The following ABCB11 variants were observed in gnomAD, a reference collection of about 807,000 sequenced individuals.
ABCB11 encodes bile salt export pump.
In ABCB11, 95 loss-of-function variants were observed where a neutral mutation model predicts 148.0. That is an observed-to-expected ratio of 0.64 (90% confidence interval 0.54 to 0.76). The LOEUF (loss-of-function observed/expected upper bound fraction) is 0.76. Among genes scored for constraint, ABCB11 ranks in the 30% least tolerant of loss-of-function variants. The pLI, the probability that ABCB11 is intolerant of heterozygous loss-of-function variation, is 0.00. For synonymous variants in ABCB11, 591 were observed against 555.4 expected (o/e 1.06, Z -0.90); for missense variants, 1,523 against 1,617.8 (o/e 0.94, Z 1.01).
chr2:168,943,044 A>G (rs528729310), intron 21 of ABCB11, among the ~76,000 whole-genome samples: 5 of 152,082 alleles, frequency 3.3e-5, no homozygotes, highest in African/African-American at 1.2e-4. Flanking sequence ...AAAAACAACA[A>G]AAGTATTAGA....
chr2:168,964,124 CAT>C (rs1403181160), intron 18 of ABCB11, 80 bp downstream of exon 18: 5 of 1,025,182 alleles, frequency 4.9e-6, no homozygotes, highest in Non-Finnish European at 7.4e-6. Flanking sequence ...CTAGAAAACT[CAT>C]ATTCTCAGGC....
downstream of ABCB11, among the ~76,000 whole-genome samples, chr2:168,916,501 G>A (rs1009994331): frequency 3.3e-5 from 5 of 152,164 alleles, no homozygotes; most frequent in Admixed American, 6.5e-5. Context: ...CATACAACTC[G>A]CTAATGAGCA....
At chr2:168,927,132 G>A (rs911577484) in intron 26 of ABCB11, 24 bp downstream of exon 26, 14 of 1,590,874 alleles carry the variant, frequency 8.8e-6, no homozygotes, top group Non-Finnish European at 1.1e-5. Flanking sequence ...CTCTCATAGG[G>A]AATGGCTCTG....
chr2:168,985,126 C>T (rs137917261), intron 10 of ABCB11, among the ~76,000 whole-genome samples: 2,651 of 151,536 alleles, frequency 0.017, 76 homozygotes, highest in African/African-American at 0.061. Flanking sequence ...ACACAAATGG[C>T]CAACAAACAT....
chr2:168,995,215 C>T (rs1329140652), intron 7 of ABCB11, 134 bp downstream of exon 7: 1 of 1,027,386 alleles, frequency 9.7e-7, no homozygotes, highest in Non-Finnish European at 1.4e-6. Context: ...AAAGCCATGC[C>T]ACATATGAAA....
At chr2:168,941,251 A>G (rs1692048799) in intron 21 of ABCB11, among the ~76,000 whole-genome samples, 1 of 152,048 alleles carries the variant, frequency 6.6e-6, no homozygotes, top group South Asian at 2.1e-4. Flanking sequence ...TCTAGATGCC[A>G]TTAAGAACAT....
At chr2:168,988,945 T>A (rs1694422628) in intron 9 of ABCB11, among the ~76,000 whole-genome samples, 1 of 152,186 alleles carries the variant, frequency 6.6e-6, no homozygotes, top group African/African-American at 2.4e-5. Context: ...CTGAGAAATG[T>A]CTATTCAGGT....
At chr2:168,927,107 T>A in intron 26 of ABCB11, 49 bp downstream of exon 26, 1 of 1,498,836 alleles carries the variant, frequency 6.7e-7, no homozygotes. Context: ...TCATTCTACT[T>A]CTCCCCATCC....
At chr2:168,959,317 G>A (rs1559203322) in intron 18 of ABCB11, among the ~76,000 whole-genome samples, 1 of 151,626 alleles carries the variant, frequency 6.6e-6, no homozygotes, top group Non-Finnish European at 1.5e-5. Context: ...AGGTCCTTCT[G>A]TTCAATTATT....
At chr2:168,930,604 C>G in intron 25 of ABCB11, 61 bp downstream of exon 25, 2 of 1,347,604 alleles carry the variant, frequency 1.5e-6, no homozygotes, top group Admixed American at 2.9e-5. Context: ...TTGAAGCCCA[C>G]TTTTAGGGGT....
intron 1 of ABCB11, among the ~76,000 whole-genome samples, chr2:169,019,375 C>G (rs1695469990): frequency 6.6e-6 from 1 of 151,976 alleles, no homozygotes; most frequent in Non-Finnish European, 1.5e-5. Flanking sequence ...ACAGTAGACA[C>G]CAAGAATTGA....
intron 19 of ABCB11, 39 bp from the exon 20 acceptor site, chr2:168,945,000 A>C (rs1015670700): frequency 7.6e-7 from 1 of 1,317,748 alleles, no homozygotes; most frequent in Non-Finnish European, 1.0e-6. Flanking sequence ...CTTTATTATA[A>C]ATAGAAAAAT....
chr2:169,030,701 C>T (rs1054489902), intron 1 of ABCB11, among the ~76,000 whole-genome samples: 3 of 145,590 alleles, frequency 2.1e-5, no homozygotes, highest in African/African-American at 7.5e-5. Flanking sequence ...TCTAAACATG[C>T]ATCCACAGCT....
rs1239234048 is a variant in ABCB11 at position 168,920,979 on chromosome 2, C to G, written c.*2643G>C. Among the ~76,000 whole-genome samples, 1 of 152,164 alleles carries G rather than the reference C, an allele frequency of 6.6e-6. No homozygotes were observed. The highest frequency in any genetic ancestry group is 2.4e-5 in the African/African-American group (1 of 41,436). On this transcript the variant is annotated 3_prime_UTR_variant, in exon 28 of 28. Coordinates refer to ENST00000650372, the MANE Select transcript of ABCB11 (RefSeq NM_003742.4). ...TCTTTCAGACTCCATAAATTCCTTT[C>G]CAGGAAACTGGCCACCTCCCAGCAC...
At chr2:168,982,765 C>A (rs1203063779) in intron 10 of ABCB11, among the ~76,000 whole-genome samples, 1 of 151,588 alleles carries the variant, frequency 6.6e-6, no homozygotes, top group Non-Finnish European at 1.5e-5. Flanking sequence ...GTGGCCAAGA[C>A]CTGAGAGAGA....
intron 24 of ABCB11, 89 bp downstream of exon 24, chr2:168,932,288 T>C: frequency 4.4e-6 from 5 of 1,143,870 alleles, no homozygotes; most frequent in Non-Finnish European, 6.2e-6. Flanking sequence ...GTTAGTTTGC[T>C]GAGAATGATG....
intron 25 of ABCB11, among the ~76,000 whole-genome samples, chr2:168,928,832 T>G (rs2105885372): frequency 6.6e-6 from 1 of 152,280 alleles, no homozygotes; most frequent in Admixed American, 6.5e-5. Context: ...ACCAAATACT[T>G]TCAAACAAAT....
At chr2:168,983,845 A>C (rs1326031122) in intron 10 of ABCB11, among the ~76,000 whole-genome samples, 2 of 152,290 alleles carry the variant, frequency 1.3e-5, no homozygotes, top group Admixed American at 1.3e-4. Context: ...AATTTTACTT[A>C]AGAATTTGAT....
At chr2:168,996,869 C>T in intron 5 of ABCB11, 147 bp from the exon 6 acceptor site, 1 of 235,854 alleles carries the variant, frequency 4.2e-6, no homozygotes, top group South Asian at 1.8e-4. Context: ...TAGTATATTT[C>T]TATTAGACAT....
Sources: allele counts gnomAD v4.1 joint callset (sites outside exome capture counted in the v4.1 genomes callset), GRCh38; gene constraint gnomAD v4.1.1; transcripts MANE v1.5; gene names NCBI Gene and HGNC (gene_info 2026-07-23, HGNC 2026-07-21).